CCSER1: variants seen among roughly 807,000 people sequenced by gnomAD.
CCSER1 encodes serine-rich coiled-coil domain-containing protein 1.
A neutral mutation model predicts 82.0 loss-of-function variants in CCSER1; 41 were observed. The ratio of observed to expected loss-of-function variants is 0.50; its 90% CI spans 0.39 to 0.65. The LOEUF (loss-of-function observed/expected upper bound fraction) is 0.65. CCSER1 is among the 30% of genes least tolerant of loss of function. The probability of loss-of-function intolerance (pLI) is 0.00; values close to 1 mark genes in which losing one functional copy is unlikely to be tolerated. For synonymous variants in CCSER1, 414 were observed against 383.9 expected (o/e 1.08, Z -0.92); for missense variants, 1,119 against 1,064.2 (o/e 1.05, Z -0.72).
rs545621268 is a variant in CCSER1 at position 91,486,518 on chromosome 4, A to G, written c.2218-112054A>G. On this transcript the variant is annotated intron_variant, in intron 10 of 10. Transcript: ENST00000509176. ...CAGCAAAATACACAAAAGTAAAATAATTTTAAAGTTGTAATCACGGCTGTT... is the reference window on the plus strand; with the variant it reads ...CAGCAAAATACACAAAAGTAAAATAGTTTTAAAGTTGTAATCACGGCTGTT... 5.3e-5 allele frequency among the ~76,000 whole-genome samples: 8 copies of G among 152,232 alleles called. No homozygotes were observed. The South Asian group carries it at 1.7e-3, about 32-fold the overall frequency.
In CCSER1 at chr4:91,598,773, A is replaced by C; in HGVS notation, c.2419A>C (p.Arg807=). Residue 807 remains arginine (R), a synonymous_variant, in exon 11 of 11, where the codon AGA becomes CGA. Coordinates refer to ENST00000509176, the MANE Select transcript of CCSER1 (RefSeq NM_001145065.2). The part of the protein sequence containing the change: ...KELAEVIKHS[R]GTYETLTSDV... Reference sequence around the variant, plus strand: ...ACTAGCAGAAGTTATCAAACATTCAAGAGGAACTTATGAAACCCTCACTTC... The same window carrying C: ...ACTAGCAGAAGTTATCAAACATTCACGAGGAACTTATGAAACCCTCACTTC... 1 of 1,551,684 alleles carries C rather than the reference A, an allele frequency of 6.4e-7. No homozygotes were observed. Among genetic ancestry groups the C allele is most frequent in the Non-Finnish European group, 8.7e-7 (1 of 1,146,942 alleles).
chr4:91,174,374 C>T (rs1733084252), intron 10 of CCSER1, among the ~76,000 whole-genome samples: 1 of 152,038 alleles, frequency 6.6e-6, no homozygotes. Flanking sequence ...TTTCTTGATG[C>T]AAGAGTATAA....
At chr4:90,316,570 C>G (rs903156481) in intron 3 of CCSER1, among the ~76,000 whole-genome samples, 1 of 152,126 alleles carries the variant, frequency 6.6e-6, no homozygotes, top group African/African-American at 2.4e-5. Context: ...GGAACTTTGT[C>G]ACAAAAGAGG....
chr4:90,780,927 G>C, intron 7 of CCSER1: 2 of 396,534 alleles, frequency 5.0e-6, no homozygotes, highest in Non-Finnish European at 6.9e-6. Flanking sequence ...TCTGCAGACT[G>C]TACAGGAAGC....
intron 1 of CCSER1, among the ~76,000 whole-genome samples, chr4:90,246,921 CTT>C (rs1490560723): frequency 1.3e-5 from 2 of 151,948 alleles, no homozygotes; most frequent in Non-Finnish European, 2.9e-5. Context: ...AAAGGAAACA[CTT>C]TGCGGCTTCT....
chr4:91,244,883 A>G (rs1739641525), intron 10 of CCSER1, among the ~76,000 whole-genome samples: 2 of 152,216 alleles, frequency 1.3e-5, no homozygotes. Context: ...AAGGAAATTC[A>G]AGATAACACA....
chr4:91,415,452 A>T (rs948412015), intron 10 of CCSER1, among the ~76,000 whole-genome samples: 1 of 152,076 alleles, frequency 6.6e-6, no homozygotes, highest in East Asian at 1.9e-4. Context: ...TACTATGTTG[A>T]TTAAGCATGG....
In CCSER1 at chr4:91,599,859, A is replaced by G. The variant is rs1764744650; in HGVS notation, c.*802A>G. 6.6e-6 allele frequency: 1 copy of G among 152,184 alleles called. No individual in the cohort carries two copies. The highest frequency in any genetic ancestry group is 2.1e-4 in the South Asian group (1 of 4,834). The allele number at this position is 152,184 out of a possible 1,614,324, so 9.4% of individuals were successfully genotyped here. A position where few individuals can be genotyped will look rare whatever the true frequency, so the allele number is the denominator to read the frequency against. On this transcript the variant is annotated 3_prime_UTR_variant, in exon 11 of 11. Coordinates refer to ENST00000509176, the MANE Select transcript of CCSER1 (RefSeq NM_001145065.2). The stretch of plus-strand genomic sequence containing the variant: ...GATGATGCATAAATACTGACATGCT[A>G]TATTCTTTGAGCCACTGTCATGGCA...
At chr4:90,591,259 C>T (rs1424924826) in intron 5 of CCSER1, among the ~76,000 whole-genome samples, 1 of 152,132 alleles carries the variant, frequency 6.6e-6, no homozygotes, top group Non-Finnish European at 1.5e-5. Flanking sequence ...TTCCTCTCTT[C>T]CTATTTGAAT....
intron 3 of CCSER1, among the ~76,000 whole-genome samples, chr4:90,359,849 G>A (rs1385542560): frequency 1.3e-5 from 2 of 149,368 alleles, no homozygotes; most frequent in East Asian, 2.0e-4. Flanking sequence ...GTATATATAT[G>A]TGTGTATATA....
chr4:91,289,084 C>T (rs919365693), intron 10 of CCSER1, among the ~76,000 whole-genome samples: 2 of 151,996 alleles, frequency 1.3e-5, no homozygotes, highest in Non-Finnish European at 2.9e-5. Context: ...TCAGGAAAAA[C>T]CCTATGACAA....
intron 10 of CCSER1, among the ~76,000 whole-genome samples, chr4:91,428,929 A>G (rs535803200): frequency 6.6e-6 from 1 of 152,126 alleles, no homozygotes; most frequent in East Asian, 1.9e-4. Context: ...ATCTATTTAT[A>G]TGTGCCAAGT....
At chr4:91,008,031 T>C (rs1738675569) in intron 9 of CCSER1, among the ~76,000 whole-genome samples, 1 of 152,180 alleles carries the variant, frequency 6.6e-6, no homozygotes, top group African/African-American at 2.4e-5. Context: ...TTAATTTCCA[T>C]GTGTTTGTAT....
intron 5 of CCSER1, among the ~76,000 whole-genome samples, chr4:90,481,799 A>T (rs1766025193): frequency 6.6e-6 from 1 of 152,114 alleles, no homozygotes; most frequent in Non-Finnish European, 1.5e-5. Context: ...TTTTTGCATT[A>T]ATGTTCATCA....
chr4:90,835,261 G>A (rs1761654490), intron 8 of CCSER1, among the ~76,000 whole-genome samples: 1 of 152,180 alleles, frequency 6.6e-6, no homozygotes, highest in Non-Finnish European at 1.5e-5. Context: ...AACCCGGGAG[G>A]GGGAGCTTGC....
chr4:90,522,892 T>C (rs1773308420), intron 5 of CCSER1, among the ~76,000 whole-genome samples: 1 of 152,162 alleles, frequency 6.6e-6, no homozygotes. Flanking sequence ...ATGATTTTCT[T>C]CTATTGACTT....
intron 8 of CCSER1, among the ~76,000 whole-genome samples, chr4:90,913,221 A>G (rs1726712159): frequency 6.6e-6 from 1 of 152,154 alleles, no homozygotes; most frequent in Non-Finnish European, 1.5e-5. Flanking sequence ...AAAAATGTTG[A>G]TGTTAAGGGC....
At chr4:90,290,495 G>GTTTC (rs1343893303) in intron 1 of CCSER1, among the ~76,000 whole-genome samples, 1 of 151,764 alleles carries the variant, frequency 6.6e-6, no homozygotes, top group Non-Finnish European at 1.5e-5. Context: ...TAGGATGTCT[G>GTTTC]TTTCTTTCTT....
chr4:90,713,014 C>G (rs1740942377), intron 6 of CCSER1, among the ~76,000 whole-genome samples: 1 of 151,014 alleles, frequency 6.6e-6, no homozygotes, highest in Non-Finnish European at 1.5e-5. Flanking sequence ...TCCTCCATCC[C>G]TTAATTTTGA....
Sources: allele counts gnomAD v4.1 joint callset (sites outside exome capture counted in the v4.1 genomes callset), GRCh38; gene constraint gnomAD v4.1.1; transcripts MANE v1.5; gene names NCBI Gene and HGNC (gene_info 2026-07-23, HGNC 2026-07-21).